The following TIAM2 variants were observed in gnomAD, a reference collection of about 807,000 sequenced individuals.
TIAM2 encodes rho guanine nucleotide exchange factor TIAM2.
Under a neutral mutation model 152.9 loss-of-function variants are expected in TIAM2, and 80 were observed. The observed-to-expected ratio is 0.52, with a 90% CI of 0.44 to 0.63. The LOEUF (loss-of-function observed/expected upper bound fraction) is 0.63. Ranked by LOEUF, TIAM2 falls within the 30% of genes least tolerant of loss-of-function variation. TIAM2 has a pLI of 0.00. For missense variants in TIAM2, 1,965 were observed against 2,120.1 expected, an observed-to-expected ratio of 0.93 and a Z score of 1.44; for synonymous variants, 804 against 838.0, an observed-to-expected ratio of 0.96 and a Z score of 0.70.
intron 1 of TIAM2, among the ~76,000 whole-genome samples, chr6:155,003,282 T>G (rs1885697): frequency 0.23 from 35,416 of 151,996 alleles, 4,511 homozygotes; most frequent in East Asian, 0.38. Flanking sequence ...CTAGATTCTG[T>G]TGTGGAATAT....
intron 2 of TIAM2, among the ~76,000 whole-genome samples, chr6:155,118,031 G>T (rs1583199352): frequency 6.6e-6 from 1 of 152,206 alleles, no homozygotes; most frequent in Admixed American, 6.5e-5. Flanking sequence ...TGAGCTGTTG[G>T]CTACTGTGGA....
At chr6:155,254,202 G>A (rs1040086463) in intron 25 of TIAM2, 142 bp downstream of exon 25, 13 of 996,578 alleles carry the variant, frequency 1.3e-5, no homozygotes, top group South Asian at 8.5e-5. Flanking sequence ...AACTGAGGCC[G>A]CTAGTAGGAG....
chr6:155,245,217 C>T (rs1259562278), intron 18 of TIAM2, among the ~76,000 whole-genome samples: 1 of 152,224 alleles, frequency 6.6e-6, no homozygotes, highest in African/African-American at 2.4e-5. Context: ...CCATAGCATC[C>T]GTGTAAGCCG....
At chr6:155,181,454 A>G (rs1292862809) in intron 12 of TIAM2, among the ~76,000 whole-genome samples, 1 of 152,174 alleles carries the variant, frequency 6.6e-6, no homozygotes, top group African/African-American at 2.4e-5. Context: ...ATTTGCCTAA[A>G]TTTTTAATTG....
At chr6:155,237,900 T>C (rs774775181) in intron 15 of TIAM2, among the ~76,000 whole-genome samples, 10 of 152,238 alleles carry the variant, frequency 6.6e-5, no homozygotes, top group Non-Finnish European at 1.2e-4. Flanking sequence ...CCTGGAGACA[T>C]TTTCATCATT....
At chr6:155,032,587 C>A (rs1393462538) in intron 1 of TIAM2, among the ~76,000 whole-genome samples, 1 of 152,146 alleles carries the variant, frequency 6.6e-6, no homozygotes, top group Non-Finnish European at 1.5e-5. Flanking sequence ...GTTGCCCAGG[C>A]TGGAGTGCAG....
At chr6:155,161,264 G>A (rs2115092867) in intron 7 of TIAM2, among the ~76,000 whole-genome samples, 1 of 152,274 alleles carries the variant, frequency 6.6e-6, no homozygotes, top group Middle Eastern at 3.4e-3. Flanking sequence ...TTGGCTCACT[G>A]CAACCTCTGC....
intron 1 of TIAM2, among the ~76,000 whole-genome samples, chr6:155,029,409 AATATAT>A (rs1554225484): frequency 1.2e-5 from 1 of 86,164 alleles, no homozygotes; most frequent in Non-Finnish European, 2.1e-5. Flanking sequence ...TAGTATATAT[AATATAT>A]ACTATATATA....
At chr6:155,013,787 G>T (rs1434477016) in intron 1 of TIAM2, 1 of 152,182 alleles carries the variant, frequency 6.6e-6, no homozygotes, top group African/African-American at 2.4e-5. Flanking sequence ...GTCCCAGTCC[G>T]TGGAGGAGCA....
At chr6:155,026,934 T>A (rs139318681) in intron 1 of TIAM2, among the ~76,000 whole-genome samples, 1 of 152,196 alleles carries the variant, frequency 6.6e-6, no homozygotes, top group African/African-American at 2.4e-5. Context: ...GTGCACATCT[T>A]TACCTACTTG....
chr6:155,100,543 GTCAC>G (rs2114992144), intron 2 of TIAM2, among the ~76,000 whole-genome samples: 1 of 152,264 alleles, frequency 6.6e-6, no homozygotes, highest in South Asian at 2.1e-4. Context: ...CACCATCACT[GTCAC>G]CTCCCATTCA....
In TIAM2 at chr6:155,214,117, C is replaced by T. The variant is rs1464573041; in HGVS notation, c.3168+2810C>T. Among the ~76,000 whole-genome samples, 9 of 152,248 alleles carry T rather than the reference C, an allele frequency of 5.9e-5. No homozygotes were observed. In the East Asian group the frequency reaches 1.7e-3, roughly 29 times the overall value. ...GTCAGAAGCCACGGCTGGGCAGTCACAGCTGTGCCCGAGGAGCACGAGGCT... is the reference window on the plus strand; with the variant it reads ...GTCAGAAGCCACGGCTGGGCAGTCATAGCTGTGCCCGAGGAGCACGAGGCT... On this transcript the variant is annotated intron_variant, in intron 15 of 26. Coordinates refer to ENST00000682666, the MANE Select transcript of TIAM2 (RefSeq NM_012454.4). The surrounding 1 kb of genome is among the most constrained non-coding windows in gnomAD (Gnocchi z 5.4).
At chr6:155,052,388 A>G (rs1254614682) in intron 1 of TIAM2, among the ~76,000 whole-genome samples, 5 of 152,188 alleles carry the variant, frequency 3.3e-5, no homozygotes, top group Admixed American at 6.5e-5. Context: ...GTTACTTGAT[A>G]TATTAGTTAT....
At chr6:155,095,720 C>T (rs1026030533) in intron 2 of TIAM2, among the ~76,000 whole-genome samples, 3 of 152,132 alleles carry the variant, frequency 2.0e-5, no homozygotes, top group African/African-American at 4.8e-5. Flanking sequence ...CAATTATTCT[C>T]TGAATTAAAC....
At chr6:155,013,276 T>C (rs1395678968) in intron 1 of TIAM2, among the ~76,000 whole-genome samples, 1 of 152,042 alleles carries the variant, frequency 6.6e-6, no homozygotes, top group Non-Finnish European at 1.5e-5. Context: ...GGTCAGAAAA[T>C]CTCTGTCTGC....
Position 155,007,726 on chromosome 6 carries a change from T to C in TIAM2, c.-209+12234T>C, listed in dbSNP as rs2114844022. 2.0e-5 allele frequency among the ~76,000 whole-genome samples: 3 copies of C among 152,284 alleles called. No homozygotes were observed. The Middle Eastern group carries it at 0.01, about 518-fold the overall frequency. On this transcript the variant is annotated intron_variant, in intron 1 of 26. Transcript: ENST00000682666. ...AGTTCTATTTCAGTTTACCATGTAA[T>C]TGGAATTTTAAAATGACCTGTCTTA...
rs1284710050 is a variant in TIAM2 at position 155,000,540 on chromosome 6, A to AAG, written c.-209+5049_-209+5050insGA. Among the ~76,000 whole-genome samples the AAG allele has an allele frequency of 4.0e-5, 6 of 151,802 alleles. No individual in the cohort carries two copies. In the East Asian group the frequency reaches 1.2e-3, roughly 29 times the overall value. ...GAGGGAAACTGTTGCAAAAAAAAAAAAAAAAAAAGCATCCAAAAAACTGTT... is the reference window on the plus strand; with the variant it reads ...GAGGGAAACTGTTGCAAAAAAAAAAAAGAAAAAAAAGCATCCAAAAAACTGTT... On this transcript the variant is annotated intron_variant, in intron 1 of 26. Transcript: ENST00000682666.
At chr6:155,012,873 C>T (rs1187994042) in intron 1 of TIAM2, among the ~76,000 whole-genome samples, 1 of 152,206 alleles carries the variant, frequency 6.6e-6, no homozygotes, top group African/African-American at 2.4e-5. Context: ...TTTAGAAATA[C>T]TAAAAACAGA....
chr6:154,997,249 A>G (rs1174436566), intron 1 of TIAM2, among the ~76,000 whole-genome samples: 1 of 152,192 alleles, frequency 6.6e-6, no homozygotes, highest in Non-Finnish European at 1.5e-5. Context: ...TACCTTCTCT[A>G]GGAAGCTTTT....
Sources: allele counts gnomAD v4.1 joint callset (sites outside exome capture counted in the v4.1 genomes callset), GRCh38; gene constraint gnomAD v4.1.1; non-coding constraint Gnocchi (gnomAD v3.1); transcripts MANE v1.5; gene names NCBI Gene and HGNC (gene_info 2026-07-23, HGNC 2026-07-21).